Variants in LPIN1 observed in about 807,000 individuals in gnomAD.
The protein encoded by LPIN1 is phosphatidate phosphatase LPIN1.
In LPIN1, 71 loss-of-function variants were observed where a neutral mutation model predicts 107.5. That is an observed-to-expected ratio of 0.66 (90% CI 0.55 to 0.80). The LOEUF is 0.80. LPIN1 is among the 30% of genes least tolerant of loss of function. The pLI is 0.00. For synonymous variants in LPIN1, 445 were observed against 452.6 expected (o/e 0.98, Z 0.21); for missense variants, 1,043 against 1,160.6 (o/e 0.90, Z 1.47).
intron 1 of LPIN1, among the ~76,000 whole-genome samples, chr2:11,747,077 C>T (rs937198852): frequency 2.6e-5 from 4 of 152,242 alleles, no homozygotes; most frequent in Admixed American, 1.3e-4. Context: ...CCCAGCTTTG[C>T]GCCGGGGACT....
intron 14 of LPIN1, among the ~76,000 whole-genome samples, chr2:11,797,649 A>G (rs926526177): frequency 2.7e-5 from 4 of 150,188 alleles, no homozygotes; most frequent in African/African-American, 1.0e-4. Flanking sequence ...AATTTGTCCC[A>G]ATGGAAACAG....
At chr2:11,780,706 T>G (rs1673442794) in intron 7 of LPIN1, among the ~76,000 whole-genome samples, 1 of 152,184 alleles carries the variant, frequency 6.6e-6, no homozygotes, top group Non-Finnish European at 1.5e-5. Context: ...CTTGGGCAAA[T>G]GAGTAGACTT....
At chr2:11,773,836 A>G in intron 5 of LPIN1, 91 bp downstream of exon 5, 1 of 1,478,834 alleles carries the variant, frequency 6.8e-7, no homozygotes. Context: ...ATAGAAATGA[A>G]AAGTGAAAAT....
chr2:11,779,473 A>G, intron 6 of LPIN1, 46 bp from the exon 7 acceptor site: 1 of 1,608,502 alleles, frequency 6.2e-7, no homozygotes. Context: ...AACATTTACA[A>G]AAGTTTCTTT....
At chr2:11,779,417 T>A in intron 6 of LPIN1, 102 bp from the exon 7 acceptor site, 1 of 1,241,514 alleles carries the variant, frequency 8.1e-7, no homozygotes, top group Non-Finnish European at 1.2e-6. Flanking sequence ...GAACGACAGC[T>A]GGGGGTGCAT....
intron 16 of LPIN1, 82 bp from the exon 17 acceptor site, chr2:11,804,988 T>G (rs1188105575): frequency 1.7e-5 from 15 of 861,416 alleles, no homozygotes; most frequent in Non-Finnish European, 2.2e-5. Flanking sequence ...TTGTGTTTTT[T>G]TTTTTTTTTT....
At chr2:11,805,190 G>GCACACACCAGCGTTCAC in intron 17 of LPIN1, 34 bp downstream of exon 17, 2 of 1,479,156 alleles carry the variant, frequency 1.4e-6, no homozygotes, top group Non-Finnish European at 1.9e-6. Context: ...CGCCTCCTGT[G>GCACACACCAGCGTTCAC]AACGCTGGTG....
At chr2:11,712,150 C>T (rs531986032) in intron 1 of LPIN1, among the ~76,000 whole-genome samples, 1 of 152,354 alleles carries the variant, frequency 6.6e-6, no homozygotes, top group East Asian at 1.9e-4. Flanking sequence ...CCGGCATCCC[C>T]TTATGCCCAC....
intron 14 of LPIN1, among the ~76,000 whole-genome samples, chr2:11,799,298 C>T (rs1363898895): frequency 6.6e-6 from 1 of 152,136 alleles, no homozygotes; most frequent in African/African-American, 2.4e-5. Context: ...TTCCGCCTTG[C>T]CTCCTCATCC....
intron 1 of LPIN1, among the ~76,000 whole-genome samples, chr2:11,683,866 C>A (rs1261586242): frequency 1.3e-5 from 2 of 152,212 alleles, no homozygotes; most frequent in Non-Finnish European, 2.9e-5. Flanking sequence ...CTAAACTGAG[C>A]TGTGACCTTG....
At chr2:11,694,818 AG>A (rs1226958769) in intron 1 of LPIN1, among the ~76,000 whole-genome samples, 1 of 152,248 alleles carries the variant, frequency 6.6e-6, no homozygotes, top group African/African-American at 2.4e-5. Flanking sequence ...CACATACAAA[AG>A]TTATAAGAAA....
intron 2 of LPIN1, among the ~76,000 whole-genome samples, chr2:11,714,812 A>G (rs1663625062): frequency 1.3e-5 from 2 of 152,196 alleles, no homozygotes; most frequent in Admixed American, 1.3e-4. Context: ...ACCCTCGAGG[A>G]GCCCACAGTT....
At chr2:11,816,173 A>G (rs2148724680) in intron 18 of LPIN1, 1 of 152,320 alleles carries the variant, frequency 6.6e-6, no homozygotes, top group East Asian at 1.9e-4. Context: ...CTCTGTAGGT[A>G]CCTTTTCCAT....
At chr2:11,703,020 C>G (rs1329331461) in intron 1 of LPIN1, among the ~76,000 whole-genome samples, 1 of 152,176 alleles carries the variant, frequency 6.6e-6, no homozygotes, top group Non-Finnish European at 1.5e-5. Flanking sequence ...AATGAGTTAC[C>G]TGACATGCAA....
chr2:11,713,648 T>C lies in LPIN1; in HGVS notation c.82-108T>C, dbSNP rs12465629. 0.48 allele frequency: 298,932 copies of C among 626,790 alleles called. 75,944 individuals are homozygous for C. The highest frequency in any genetic ancestry group is 0.58 in the South Asian group (27,967 of 48,332). The allele number at this position is 626,790 out of a possible 1,614,324, so 38.8% of individuals were successfully genotyped here. On this transcript the variant is annotated intron_variant, in intron 1 of 21. Coordinates refer to the LPIN1 transcript ENST00000449576. ...ACCACCGAATTCACCATGTTCAAAA[T>C]GTAGAGTTCAGTGAGTTTTTAGTAT...
chr2:11,731,480 G>A (rs1558765288), intron 1 of LPIN1, among the ~76,000 whole-genome samples: 1 of 152,152 alleles, frequency 6.6e-6, no homozygotes, highest in Non-Finnish European at 1.5e-5. Context: ...ATCATTGATG[G>A]GCATTTGAGT....
chr2:11,756,698 T>C (rs1668746570), intron 1 of LPIN1, among the ~76,000 whole-genome samples: 1 of 152,208 alleles, frequency 6.6e-6, no homozygotes, highest in Non-Finnish European at 1.5e-5. Flanking sequence ...GCCCCTATAT[T>C]TATTTTTAAT....
intron 1 of LPIN1, among the ~76,000 whole-genome samples, chr2:11,692,487 C>T (rs1662322952): frequency 6.6e-6 from 1 of 152,240 alleles, no homozygotes; most frequent in African/African-American, 2.4e-5. Context: ...GATGTTGACT[C>T]AGTAGATTTG....
upstream of LPIN1, among the ~76,000 whole-genome samples, chr2:11,742,529 G>A (rs1027673502): frequency 1.3e-5 from 2 of 152,200 alleles, no homozygotes; most frequent in Admixed American, 1.3e-4. Context: ...GACTCATGGT[G>A]ATATGCGGGG....
Sources: allele counts gnomAD v4.1 joint callset (sites outside exome capture counted in the v4.1 genomes callset), GRCh38; gene constraint gnomAD v4.1.1; transcripts MANE v1.5; gene names NCBI Gene and HGNC (gene_info 2026-07-23, HGNC 2026-07-21).